Variants in ZDHHC3 observed in about 807,000 individuals in gnomAD.
The protein encoded by ZDHHC3 is palmitoyltransferase ZDHHC3.
Under a neutral mutation model 30.6 loss-of-function variants are expected in ZDHHC3, and 9 were observed. That is an observed-to-expected ratio of 0.29 (90% CI 0.18 to 0.51). The LOEUF is 0.51. ZDHHC3 is among the 20% of genes least tolerant of loss of function. ZDHHC3 has a pLI of 0.97. For missense variants in ZDHHC3, 246 were observed against 384.2 expected (o/e 0.64, Z 3.01); for synonymous variants, 136 against 140.2 (o/e 0.97, Z 0.21).
intron 1 of ZDHHC3, among the ~76,000 whole-genome samples, chr3:44,974,637 C>T (rs1452510693): frequency 2.0e-5 from 3 of 152,230 alleles, no homozygotes; most frequent in East Asian, 3.8e-4. Flanking sequence ...TCCGGCTTCA[C>T]CTCTTTCAGT....
chr3:44,973,008 G>A (rs576747769), intron 1 of ZDHHC3, among the ~76,000 whole-genome samples: 7 of 152,236 alleles, frequency 4.6e-5, no homozygotes, highest in Admixed American at 1.3e-4. Context: ...CTCTTATTCT[G>A]CTCATATATA....
rs1203212722 is a variant in ZDHHC3, at chr3:44,921,924, G to A, written c.*4765C>T. Reference sequence around the variant, plus strand: ...GGCCCCTAGAAGGCTTTTAGCGAACGTCCCTCTGCAGCGCTTGTCCTCACT... The same window carrying A: ...GGCCCCTAGAAGGCTTTTAGCGAACATCCCTCTGCAGCGCTTGTCCTCACT... On this transcript the variant is annotated 3_prime_UTR_variant, in exon 7 of 7. Transcript: ENST00000424952. The A allele has an allele frequency of 1.0e-6, 1 of 985,370 alleles. No homozygotes were observed. The highest frequency in any genetic ancestry group is 1.2e-6 in the Non-Finnish European group (1 of 829,928). The allele number at this position is 985,370 out of a possible 1,614,324, so 61.0% of individuals were successfully genotyped here.
intron 1 of ZDHHC3, among the ~76,000 whole-genome samples, chr3:44,973,920 A>G (rs764596962): frequency 6.6e-6 from 1 of 152,242 alleles, no homozygotes; most frequent in Non-Finnish European, 1.5e-5. Context: ...ATAGTGATGG[A>G]AAAACAAGAC....
chr3:44,932,399 G>GTTT (rs1165292538), intron 5 of ZDHHC3, among the ~76,000 whole-genome samples: 1 of 152,192 alleles, frequency 6.6e-6, no homozygotes, highest in Non-Finnish European at 1.5e-5. Flanking sequence ...GGCCCATGGA[G>GTTT]GGAAAAGCTT....
Position 44,922,341 on chromosome 3 carries a change from C to A in ZDHHC3, c.*4348G>T. On this transcript the variant is annotated 3_prime_UTR_variant, in exon 7 of 7. Coordinates refer to ENST00000424952, the MANE Select transcript of ZDHHC3 (RefSeq NM_001135179.2). Reference sequence around the variant, plus strand: ...GGAGGTCCCTTGGTTCTACTCTTTTCTCTTTCCCTTCCGGGCTGCTTCTTC... The same window carrying A: ...GGAGGTCCCTTGGTTCTACTCTTTTATCTTTCCCTTCCGGGCTGCTTCTTC... 1 of 985,442 alleles carries A rather than the reference C, an allele frequency of 1.0e-6. No homozygotes were observed. Among genetic ancestry groups the A allele is most frequent in the Non-Finnish European group, 1.2e-6 (1 of 829,932 alleles). 61.0% of individuals were successfully genotyped at this position (985,442 alleles called of 1,614,324 possible).
chr3:44,962,308 C>T (rs1704544379), intron 1 of ZDHHC3, among the ~76,000 whole-genome samples: 1 of 152,118 alleles, frequency 6.6e-6, no homozygotes, highest in South Asian at 2.1e-4. Flanking sequence ...GACAATTCCT[C>T]ATTCTTGATT....
intron 1 of ZDHHC3, among the ~76,000 whole-genome samples, chr3:44,970,481 T>C (rs1705319097): frequency 6.6e-6 from 1 of 152,254 alleles, no homozygotes. Flanking sequence ...TTTCCTCATT[T>C]GATAAAACAA....
chr3:44,923,004 C>T lies in ZDHHC3; in HGVS notation c.*3685G>A, dbSNP rs914374364. On this transcript the variant is annotated 3_prime_UTR_variant, in exon 7 of 7. Transcript: ENST00000424952. ...AGAAATTTAAAACCCATTAGCCTGG[C>T]TGAGAAAGCCCATCCCAGCCCACCC... 1 of 985,210 alleles carries T rather than the reference C, an allele frequency of 1.0e-6. No homozygotes were observed. Among genetic ancestry groups the T allele is most frequent in the Non-Finnish European group, 1.2e-6 (1 of 829,918 alleles). 61.0% of individuals were successfully genotyped at this position (985,210 alleles called of 1,614,324 possible).
chr3:44,919,477 G>A lies in ZDHHC3; in HGVS notation c.*7212C>T, dbSNP rs561118777. The A allele has an allele frequency of 6.6e-6, 1 of 152,444 alleles. No individual in the cohort carries two copies. The highest frequency in any genetic ancestry group is 2.1e-4 in the South Asian group (1 of 4,822). 9.4% of individuals were successfully genotyped at this position (152,444 alleles called of 1,614,324 possible). A position where few individuals can be genotyped will look rare whatever the true frequency, so the allele number is the denominator to read the frequency against. On this transcript the variant is annotated 3_prime_UTR_variant, in exon 7 of 7. Coordinates refer to ENST00000424952, the MANE Select transcript of ZDHHC3 (RefSeq NM_001135179.2). Reference sequence around the variant, plus strand: ...CTGGTGGTTACAAAACATTGTGAATGCATTAAATGTACACTTTAAAATGGC... The same window carrying A: ...CTGGTGGTTACAAAACATTGTGAATACATTAAATGTACACTTTAAAATGGC...
rs1704317637 is a variant in ZDHHC3 at position 44,959,857 on chromosome 3, G to C, written c.-24-397C>G. Among the ~76,000 whole-genome samples the C allele has an allele frequency of 6.6e-6, 1 of 152,054 alleles. No individual in the cohort carries two copies. Among genetic ancestry groups the C allele is most frequent in the African/African-American group, 2.4e-5 (1 of 41,386 alleles). On this transcript the variant is annotated intron_variant, in intron 1 of 6. Transcript: ENST00000424952. This position sits in a 1 kb window ranked among gnomAD's most constrained non-coding sequence, Gnocchi z 4.3. Reference sequence around the variant, plus strand: ...ATGCAGCCTCGACCTCCCACCTCGGGCTCAAGGGATCCTCCCACCTCAACC... The same window carrying C: ...ATGCAGCCTCGACCTCCCACCTCGGCCTCAAGGGATCCTCCCACCTCAACC...
intron 3 of ZDHHC3, among the ~76,000 whole-genome samples, chr3:44,943,049 C>A (rs1167123524): frequency 6.6e-6 from 1 of 152,220 alleles, no homozygotes. Flanking sequence ...ATCTCAGAAG[C>A]AAGCTCACCC....
intron 3 of ZDHHC3, among the ~76,000 whole-genome samples, chr3:44,939,680 G>A (rs948785854): frequency 6.6e-6 from 1 of 152,242 alleles, no homozygotes; most frequent in South Asian, 2.1e-4. Flanking sequence ...AGCTGCCCAA[G>A]AGTTTAAACA....
At chr3:44,958,317 C>T (rs1174464912) in intron 2 of ZDHHC3, among the ~76,000 whole-genome samples, 1 of 152,178 alleles carries the variant, frequency 6.6e-6, no homozygotes, top group African/African-American at 2.4e-5. Flanking sequence ...TGCACTTTCC[C>T]TGGGGCTCAC....
At chr3:44,972,530 T>A (rs1705487585) in intron 1 of ZDHHC3, among the ~76,000 whole-genome samples, 1 of 152,162 alleles carries the variant, frequency 6.6e-6, no homozygotes, top group Non-Finnish European at 1.5e-5. Flanking sequence ...TGTAACTGGC[T>A]TTTATTGGTT....
chr3:44,928,206 ACAT>A (rs1701170792), intron 6 of ZDHHC3, among the ~76,000 whole-genome samples: 1 of 152,222 alleles, frequency 6.6e-6, no homozygotes, highest in African/African-American at 2.4e-5. Flanking sequence ...TTTTGCAATG[ACAT>A]CATTTCTTAT....
In ZDHHC3 at chr3:44,975,772, T is replaced by A. The variant is rs2023181; in HGVS notation, c.-25+161A>T. Among the ~76,000 whole-genome samples the A allele has an allele frequency of 0.3, 35,010 of 115,448 alleles. 6,017 individuals carry two copies. Among genetic ancestry groups the A allele is most frequent in the African/African-American group, 0.55 (16,103 of 29,546 alleles). The allele number at this position is 115,448 out of a possible 152,430, so 75.7% of individuals were successfully genotyped here. A position where few individuals can be genotyped will look rare whatever the true frequency, so the allele number is the denominator to read the frequency against. On this transcript the variant is annotated intron_variant, in intron 1 of 6. Transcript: ENST00000424952. Reference sequence around the variant, plus strand: ...GTCTCTCTCTCTCTCTCTCTCTCTCTCACACACACACACACACACACACAC... The same window carrying A: ...GTCTCTCTCTCTCTCTCTCTCTCTCACACACACACACACACACACACACAC...
intron 3 of ZDHHC3, among the ~76,000 whole-genome samples, chr3:44,944,500 C>T (rs1364084803): frequency 6.6e-6 from 1 of 152,144 alleles, no homozygotes; most frequent in East Asian, 1.9e-4. Flanking sequence ...CCAGGCTGGT[C>T]TTGAACTCCT....
rs1701605663 is a variant in ZDHHC3 at position 44,932,765 on chromosome 3, C to A, written c.610+353G>T. ...AATAAAATGATCTTTGATTTAAGTG[C>A]CTCATGGAAAGACAGAAAACAAAAC... On this transcript the variant is annotated intron_variant, in intron 5 of 6. Transcript: ENST00000424952. 1.3e-5 allele frequency: 9 copies of A among 718,958 alleles called. No homozygotes were observed. The South Asian group carries it at 1.5e-4, about 12-fold the overall frequency. The allele number at this position is 718,958 out of a possible 1,614,324, so 44.5% of individuals were successfully genotyped here.
In ZDHHC3 at chr3:44,918,196, GC is replaced by G. The variant is rs1700326173; in HGVS notation, c.*8492del. On this transcript the variant is annotated 3_prime_UTR_variant, in exon 7 of 7. Transcript: ENST00000424952. ...CGTCAGCGTGGTGCTGGGCTGTACA[GC>G]TCACATAGACACCCCCAGCTATAGC... The G allele has an allele frequency of 2.2e-5, 28 of 1,263,554 alleles. No individual in the cohort carries two copies. The South Asian group carries it at 3.7e-4, about 17-fold the overall frequency. 78.3% of individuals were successfully genotyped at this position (1,263,554 alleles called of 1,614,324 possible).
Sources: gnomAD v4.1 joint callset for allele counts (sites outside exome capture counted in the v4.1 genomes callset) on GRCh38, gnomAD v4.1.1 for gene constraint, Gnocchi (gnomAD v3.1) non-coding constraint, MANE v1.5 for transcripts, NCBI Gene and HGNC (gene_info 2026-07-23, HGNC 2026-07-21) for gene names.